The following THSD7A variants were observed in gnomAD, a reference collection of about 807,000 sequenced individuals.
The protein encoded by THSD7A is thrombospondin type 1 domain containing 7A.
In THSD7A, 96 loss-of-function variants were observed where a neutral mutation model predicts 231.3. That is an observed-to-expected ratio of 0.41 (90% confidence interval 0.35 to 0.49). The LOEUF is 0.49. THSD7A is among the 20% of genes least tolerant of loss of function. The pLI is 0.05. For synonymous variants in THSD7A, 940 were observed against 743.3 expected (o/e 1.26, Z -4.30); for missense variants, 2,290 against 2,070.2 (o/e 1.11, Z -2.06).
chr7:11,420,936 G>T (rs951104279), intron 16 of THSD7A, among the ~76,000 whole-genome samples: 2 of 152,144 alleles, frequency 1.3e-5, no homozygotes, highest in Admixed American at 1.3e-4. Context: ...GGGGCCTGTA[G>T]CCACTTTGTT....
intron 23 of THSD7A, among the ~76,000 whole-genome samples, chr7:11,399,117 A>C (rs1017205393): frequency 3.4e-4 from 51 of 152,188 alleles, no homozygotes; most frequent in African/African-American, 1.1e-3. Context: ...AAATCTCAAC[A>C]AGGAGTTGTC....
chr7:11,425,709 A>G (rs1024980053), intron 15 of THSD7A, among the ~76,000 whole-genome samples: 1 of 149,614 alleles, frequency 6.7e-6, no homozygotes, highest in African/African-American at 2.5e-5. Context: ...AATCTGTGAT[A>G]GTCCAACTCT....
At chr7:11,404,276 A>G (rs1783508115) in intron 22 of THSD7A, among the ~76,000 whole-genome samples, 4 of 152,288 alleles carry the variant, frequency 2.6e-5, no homozygotes, top group South Asian at 4.1e-4. Context: ...ATTACATTTG[A>G]TAAGTAACAG....
chr7:11,393,988 A>G (rs1182738003), intron 23 of THSD7A, among the ~76,000 whole-genome samples: 2 of 152,126 alleles, frequency 1.3e-5, no homozygotes, highest in Non-Finnish European at 2.9e-5. Context: ...AAGACAGGCC[A>G]ACATTCAAAT....
At chr7:11,738,027 ATATATC>A (rs1781974976) in intron 1 of THSD7A, among the ~76,000 whole-genome samples, 1 of 143,914 alleles carries the variant, frequency 6.9e-6, no homozygotes, top group African/African-American at 2.8e-5. Context: ...TATGGTATTT[ATATATC>A]TATATCTATC....
At chr7:11,758,467 T>C (rs958337607) in intron 1 of THSD7A, among the ~76,000 whole-genome samples, 3 of 151,990 alleles carry the variant, frequency 2.0e-5, no homozygotes, top group African/African-American at 7.2e-5. Flanking sequence ...TTGCCAGAGG[T>C]ATATTTTTGT....
intron 1 of THSD7A, among the ~76,000 whole-genome samples, chr7:11,648,786 T>A (rs1393900152): frequency 1.3e-5 from 2 of 151,950 alleles, no homozygotes; most frequent in Non-Finnish European, 2.9e-5. Context: ...AGCCAGAGAC[T>A]CCTCATAGCC....
At chr7:11,517,428 A>G (rs1788078874) in intron 6 of THSD7A, among the ~76,000 whole-genome samples, 1 of 151,396 alleles carries the variant, frequency 6.6e-6, no homozygotes, top group African/African-American at 2.4e-5. Context: ...TAAAGAGTTA[A>G]AAAAAAAAGG....
chr7:11,565,327 C>T (rs1270332033), intron 4 of THSD7A, among the ~76,000 whole-genome samples: 4 of 152,096 alleles, frequency 2.6e-5, no homozygotes, highest in Admixed American at 2.6e-4. Flanking sequence ...GCAAACAGCT[C>T]CACACATTTG....
intron 1 of THSD7A, among the ~76,000 whole-genome samples, chr7:11,661,453 T>C (rs1782925475): frequency 6.6e-6 from 1 of 150,998 alleles, no homozygotes; most frequent in African/African-American, 2.4e-5. Context: ...GTAAACATGA[T>C]GGAGAATTTA....
chr7:11,411,808 C>G lies in THSD7A; in HGVS notation c.3683-486G>C, dbSNP rs1037434862. On this transcript the variant is annotated intron_variant, in intron 18 of 27. Transcript: ENST00000423059. The surrounding 1 kb of genome is among the most constrained non-coding windows in gnomAD (Gnocchi z 4.1). ...ACGTTTATTAAAGTGATAAAAATCA[C>G]TTTGGCCATATTTATTCATTCTCTT... 6.6e-6 allele frequency among the ~76,000 whole-genome samples: 1 copy of G among 152,014 alleles called. No homozygotes were observed. Among genetic ancestry groups the G allele is most frequent in the African/African-American group, 2.4e-5 (1 of 41,364 alleles).
At chr7:11,467,235 C>T (rs780202258) in intron 9 of THSD7A, among the ~76,000 whole-genome samples, 1 of 152,076 alleles carries the variant, frequency 6.6e-6, no homozygotes, top group African/African-American at 2.4e-5. Flanking sequence ...AAGAAGATCT[C>T]TTGTACCTCC....
rs551601884 is a variant in THSD7A, at chr7:11,554,564, T to G, written c.1454-11447A>C. Among the ~76,000 whole-genome samples the G allele has an allele frequency of 4.9e-4, 75 of 152,208 alleles. 1 individual carries two copies. In the South Asian group the frequency reaches 0.015, roughly 31 times the overall value. On this transcript the variant is annotated intron_variant, in intron 4 of 27. Coordinates refer to ENST00000423059, the MANE Select transcript of THSD7A (RefSeq NM_015204.3). ...GCTTTTGCTGTATTGATTATGTTTT[T>G]AGTCTGTTAAATTGGTGAATTACAT... is the stretch of plus-strand genomic sequence containing the variant.
At chr7:11,803,819 G>T (rs1016819370) in intron 1 of THSD7A, among the ~76,000 whole-genome samples, 2 of 152,038 alleles carry the variant, frequency 1.3e-5, no homozygotes, top group Non-Finnish European at 2.9e-5. Flanking sequence ...AGGTGAGGTG[G>T]GGTCTGGATA....
At position 11,541,679 on chromosome 7, in the gene THSD7A, G is replaced by A. The variant is rs763633203; in HGVS notation, c.1610-48C>T. Reference sequence around the variant, plus strand: ...ATCTATTGTTACTATCAAAGGTTTAGTATTTCAGAAAGTTGAATAAAACCT... The same window carrying A: ...ATCTATTGTTACTATCAAAGGTTTAATATTTCAGAAAGTTGAATAAAACCT... On this transcript the variant is annotated intron_variant, in intron 5 of 27. Coordinates refer to ENST00000423059, the MANE Select transcript of THSD7A (RefSeq NM_015204.3). 3.9e-6 allele frequency: 6 copies of A among 1,541,598 alleles called. No individual in the cohort carries two copies. In the South Asian group the frequency reaches 6.9e-5, roughly 18 times the overall value.
At chr7:11,732,314 T>C (rs1470552227) in intron 1 of THSD7A, among the ~76,000 whole-genome samples, 1 of 151,768 alleles carries the variant, frequency 6.6e-6, no homozygotes, top group Admixed American at 6.6e-5. Flanking sequence ...AAAATGTAAA[T>C]AGATGAACTG....
intron 4 of THSD7A, among the ~76,000 whole-genome samples, chr7:11,544,169 C>T (rs772369628): frequency 6.6e-6 from 1 of 152,010 alleles, no homozygotes; most frequent in African/African-American, 2.4e-5. Flanking sequence ...TGGTGAAACC[C>T]CGTCTCTACT....
Position 11,814,055 on chromosome 7 carries a change from G to A in THSD7A, c.190+17702C>T, listed in dbSNP as rs1431403076. ...AAAGGTGCTAGTCACAAAAGATCACGCAAGTTATGATGCCATTCATATGAA... is the reference window on the plus strand; with the variant it reads ...AAAGGTGCTAGTCACAAAAGATCACACAAGTTATGATGCCATTCATATGAA... On this transcript the variant is annotated intron_variant, in intron 1 of 27. Coordinates refer to ENST00000423059, the MANE Select transcript of THSD7A (RefSeq NM_015204.3). The surrounding 1 kb of genome is among the most constrained non-coding windows in gnomAD (Gnocchi z 5.1). 3.3e-5 allele frequency among the ~76,000 whole-genome samples: 5 copies of A among 152,154 alleles called. No homozygotes were observed. The East Asian group carries it at 5.8e-4, about 18-fold the overall frequency.
intron 24 of THSD7A, 72 bp downstream of exon 24, chr7:11,382,449 T>C: frequency 8.0e-7 from 1 of 1,255,554 alleles, no homozygotes. Flanking sequence ...GTTTCCTTAA[T>C]TATTTTCTTC....
Sources: allele counts gnomAD v4.1 joint callset (sites outside exome capture counted in the v4.1 genomes callset), GRCh38; gene constraint gnomAD v4.1.1; non-coding constraint Gnocchi (gnomAD v3.1); transcripts MANE v1.5; gene names NCBI Gene and HGNC (gene_info 2026-07-23, HGNC 2026-07-21).